The following MIPOL1 variants were observed in gnomAD, a reference collection of about 807,000 sequenced individuals.
MIPOL1 encodes the protein mirror-image polydactyly 1, also known as mirror-image polydactyly gene 1 protein.
In MIPOL1, 57 loss-of-function variants were observed where a neutral mutation model predicts 60.9. That is an observed-to-expected ratio of 0.94 (90% CI 0.76 to 1.17). MIPOL1 has a LOEUF of 1.17. MIPOL1 is among the 50% of genes most tolerant of loss of function. The pLI, the probability that MIPOL1 is intolerant of heterozygous loss-of-function variation, is 0.00. For synonymous variants in MIPOL1, 179 were observed against 168.8 expected (o/e 1.06, Z -0.47); for missense variants, 551 against 511.6 (o/e 1.08, Z -0.74).
chr14:37,303,448 T>G (rs1483946016), intron 7 of MIPOL1, among the ~76,000 whole-genome samples: 1 of 151,870 alleles, frequency 6.6e-6, no homozygotes, highest in Non-Finnish European at 1.5e-5. Flanking sequence ...AAACTGATCT[T>G]TTATTTGGTT....
intron 7 of MIPOL1, 89 bp downstream of exon 7, chr14:37,285,536 T>A: frequency 7.6e-7 from 1 of 1,317,978 alleles, no homozygotes; most frequent in Non-Finnish European, 1.0e-6. Flanking sequence ...AAAATGTGAC[T>A]TATGCTTATG....
Position 37,547,011 on chromosome 14 carries a change from G to A in MIPOL1, c.*40G>A. 1 of 1,571,282 alleles carries A rather than the reference G, an allele frequency of 6.4e-7. No individual in the cohort carries two copies. The highest frequency in any genetic ancestry group is 8.8e-7 in the Non-Finnish European group (1 of 1,141,988). ...CAGTCTGGGGAAGCGATCACATCTG[G>A]TGACCAGGCTGCTTCATTCAACACT... is the stretch of plus-strand genomic sequence containing the variant. On this transcript the variant is annotated 3_prime_UTR_variant, in exon 13 of 13. Transcript: ENST00000684589.
chr14:37,524,762 G>T (rs886953018), intron 12 of MIPOL1, among the ~76,000 whole-genome samples: 1 of 151,400 alleles, frequency 6.6e-6, no homozygotes, highest in Non-Finnish European at 1.5e-5. Flanking sequence ...TAGAGACGGG[G>T]TTTCACCATC....
chr14:37,395,921 C>G (rs1396930461), intron 10 of MIPOL1, among the ~76,000 whole-genome samples: 2 of 152,094 alleles, frequency 1.3e-5, no homozygotes, highest in Non-Finnish European at 2.9e-5. Flanking sequence ...AGATGAGTCT[C>G]CTGAAGGCAG....
intron 11 of MIPOL1, among the ~76,000 whole-genome samples, chr14:37,494,078 T>C (rs2095083416): frequency 6.6e-6 from 1 of 152,122 alleles, no homozygotes; most frequent in Non-Finnish European, 1.5e-5. Context: ...AAAGCAAAAA[T>C]TGTGCTTCAG....
chr14:37,366,715 A>G (rs766600327), intron 9 of MIPOL1, among the ~76,000 whole-genome samples: 3 of 151,926 alleles, frequency 2.0e-5, no homozygotes, highest in Admixed American at 6.6e-5. Flanking sequence ...GATTTTCTTT[A>G]TGGAAAATAT....
At chr14:37,235,521 C>T (rs1567095969) in intron 1 of MIPOL1, among the ~76,000 whole-genome samples, 1 of 152,062 alleles carries the variant, frequency 6.6e-6, no homozygotes, top group East Asian at 1.9e-4. Flanking sequence ...AATAATAGTC[C>T]TCTAACTGTT....
At chr14:37,449,872 G>C (rs1566625740) in intron 11 of MIPOL1, among the ~76,000 whole-genome samples, 1 of 151,916 alleles carries the variant, frequency 6.6e-6, no homozygotes, top group African/African-American at 2.4e-5. Context: ...GAGTGCAGTG[G>C]TACTGTCTCA....
chr14:37,503,255 T>C (rs904934395), intron 12 of MIPOL1: 1 of 152,066 alleles, frequency 6.6e-6, no homozygotes, highest in Non-Finnish European at 1.5e-5. Flanking sequence ...ATTCAGGAAA[T>C]ATACAGAACA....
intron 10 of MIPOL1, among the ~76,000 whole-genome samples, chr14:37,393,801 G>A (rs936792762): frequency 6.6e-6 from 1 of 151,044 alleles, no homozygotes; most frequent in Non-Finnish European, 1.5e-5. Flanking sequence ...CCCATCACCT[G>A]AGCAATATAC....
intron 1 of MIPOL1, among the ~76,000 whole-genome samples, chr14:37,222,387 T>C (rs886716138): frequency 7.8e-6 from 1 of 127,478 alleles, no homozygotes. Context: ...CACACCTGGC[T>C]TTTTTTTTTT....
intron 7 of MIPOL1, among the ~76,000 whole-genome samples, chr14:37,307,600 T>G (rs77439056): frequency 0.058 from 8,751 of 152,064 alleles, 334 homozygotes; most frequent in Non-Finnish European, 0.084. Flanking sequence ...TTACTTCAAA[T>G]TTAGTGTAAT....
In MIPOL1 at chr14:37,287,372, G is replaced by A. The variant is rs572191409; in HGVS notation, c.623+1925G>A. Among the ~76,000 whole-genome samples, 10 of 152,116 alleles carry A rather than the reference G, an allele frequency of 6.6e-5. No homozygotes were observed. The South Asian group carries it at 2.1e-3, about 32-fold the overall frequency. ...GATCCTCCTACCTCAGCCTCCCAAG[G>A]AGCTATGACTACAGGGACTTCAGGC... On this transcript the variant is annotated intron_variant, in intron 7 of 12. Coordinates refer to ENST00000684589, the MANE Select transcript of MIPOL1 (RefSeq NM_001388067.1).
At chr14:37,531,283 T>G (rs987474181) in intron 12 of MIPOL1, among the ~76,000 whole-genome samples, 16 of 152,116 alleles carry the variant, frequency 1.1e-4, no homozygotes, top group Admixed American at 7.2e-4. Flanking sequence ...GCTTCATCTA[T>G]GCTGCTTTTT....
At chr14:37,330,995 G>A (rs2089634230) in intron 9 of MIPOL1, among the ~76,000 whole-genome samples, 1 of 152,074 alleles carries the variant, frequency 6.6e-6, no homozygotes, top group Non-Finnish European at 1.5e-5. Context: ...TGAGTGGGTT[G>A]TAAATGTGTG....
At chr14:37,303,247 G>T (rs1167426722) in intron 7 of MIPOL1, among the ~76,000 whole-genome samples, 3 of 151,854 alleles carry the variant, frequency 2.0e-5, no homozygotes, top group African/African-American at 4.8e-5. Context: ...AAGACTCAAA[G>T]TCAGTCAATT....
intron 12 of MIPOL1, among the ~76,000 whole-genome samples, chr14:37,522,243 T>C (rs1178339743): frequency 6.6e-6 from 1 of 152,158 alleles, no homozygotes; most frequent in Non-Finnish European, 1.5e-5. Context: ...AAGTATGTGT[T>C]ACATCATATT....
At chr14:37,502,250 C>T (rs1460851956) in intron 12 of MIPOL1, 1 of 152,304 alleles carries the variant, frequency 6.6e-6, no homozygotes, top group Non-Finnish European at 1.5e-5. Flanking sequence ...AAGTGGTTAT[C>T]TCAGCATGGC....
At chr14:37,430,319 A>G (rs2153558300) in intron 11 of MIPOL1, among the ~76,000 whole-genome samples, 3 of 152,054 alleles carry the variant, frequency 2.0e-5, no homozygotes, top group East Asian at 3.9e-4. Context: ...TTACCCCTTT[A>G]TATGGTAGAT....
Sources: allele counts gnomAD v4.1 joint callset (sites outside exome capture counted in the v4.1 genomes callset), GRCh38; gene constraint gnomAD v4.1.1; transcripts MANE v1.5; gene names NCBI Gene and HGNC (gene_info 2026-07-23, HGNC 2026-07-21).